Variants in PDE4D observed in about 807,000 individuals in gnomAD.
The protein encoded by PDE4D is phosphodiesterase 4D, also known as 3',5'-cyclic-AMP phosphodiesterase 4D.
A neutral mutation model predicts 87.4 loss-of-function variants in PDE4D; 24 were observed. The observed-to-expected ratio is 0.27, with a 90% CI of 0.20 to 0.39. The LOEUF is 0.39. PDE4D is among the 10% of genes least tolerant of loss of function. The pLI is 1.00. For synonymous variants in PDE4D, 384 were observed against 383.2 expected, an observed-to-expected ratio of 1.00 and a Z score of -0.02; for missense variants, 714 against 1,041.0, an observed-to-expected ratio of 0.69 and a Z score of 4.32.
chr5:60,239,020 T>C (rs1425912873), intron 1 of PDE4D, among the ~76,000 whole-genome samples: 1 of 151,976 alleles, frequency 6.6e-6, no homozygotes, highest in Non-Finnish European at 1.5e-5. Flanking sequence ...CGTAAATGGG[T>C]TTTAGTCTTA....
chr5:59,049,413 CT>C (rs1354410556), intron 5 of PDE4D, among the ~76,000 whole-genome samples: 1 of 152,098 alleles, frequency 6.6e-6, no homozygotes, highest in Admixed American at 6.5e-5. Flanking sequence ...CTTTCAAACT[CT>C]TTCTCTTTTT....
intron 1 of PDE4D, among the ~76,000 whole-genome samples, chr5:59,606,926 T>G (rs970983440): frequency 6.6e-6 from 1 of 152,098 alleles, no homozygotes; most frequent in Non-Finnish European, 1.5e-5. Context: ...TTTCTATTTC[T>G]TTCTTACAGA....
chr5:58,997,085 A>T (rs960746405), intron 6 of PDE4D, among the ~76,000 whole-genome samples: 2 of 152,132 alleles, frequency 1.3e-5, no homozygotes, highest in South Asian at 2.1e-4. Flanking sequence ...TTACTTCTCT[A>T]CTCTAGGAAG....
At chr5:59,108,497 C>T (rs949674131) in intron 5 of PDE4D, among the ~76,000 whole-genome samples, 1 of 152,004 alleles carries the variant, frequency 6.6e-6, no homozygotes, top group African/African-American at 2.4e-5. Context: ...AATATTTGGT[C>T]ATAGGGAAGA....
At chr5:59,650,489 G>A (rs1270414176) in intron 1 of PDE4D, among the ~76,000 whole-genome samples, 2 of 152,070 alleles carry the variant, frequency 1.3e-5, no homozygotes, top group Non-Finnish European at 2.9e-5. Flanking sequence ...CTGCTGTATA[G>A]CCAGCAATGA....
intron 1 of PDE4D, among the ~76,000 whole-genome samples, chr5:59,477,718 A>T (rs1231800172): frequency 1.3e-5 from 2 of 152,052 alleles, no homozygotes; most frequent in Non-Finnish European, 2.9e-5. Context: ...CAAAGAATAC[A>T]AATCATTCCA....
At chr5:59,771,799 A>G (rs982452712) in intron 1 of PDE4D, among the ~76,000 whole-genome samples, 1 of 152,218 alleles carries the variant, frequency 6.6e-6, no homozygotes, top group African/African-American at 2.4e-5. Flanking sequence ...CATTATGGTT[A>G]AACATGGACA....
intron 1 of PDE4D, among the ~76,000 whole-genome samples, chr5:59,540,010 T>C (rs954363646): frequency 2.0e-5 from 3 of 152,136 alleles, no homozygotes; most frequent in African/African-American, 7.2e-5. Flanking sequence ...CTGGAGGTCT[T>C]TGTAAAATGC....
chr5:59,138,013 C>A (rs567505334), intron 5 of PDE4D, among the ~76,000 whole-genome samples: 17 of 152,198 alleles, frequency 1.1e-4, no homozygotes, highest in African/African-American at 4.1e-4. Flanking sequence ...GGCACAATAG[C>A]CCCTAGCAAC....
chr5:59,214,287 C>A (rs1750755994), intron 2 of PDE4D, among the ~76,000 whole-genome samples: 1 of 152,116 alleles, frequency 6.6e-6, no homozygotes, highest in South Asian at 2.1e-4. Flanking sequence ...CAAAACTCAG[C>A]TAAAAACCTC....
rs567847018 is a variant in PDE4D, at chr5:60,313,155, G to A, written c.-89-127468C>T. ...GAATCCAGGAGTTGGTTTTTTGAAA[G>A]AATAAATAAAATTGATACACCACTA... On this transcript the variant is annotated intron_variant, in intron 1 of 16. Coordinates refer to the PDE4D transcript ENST00000502484. 2.7e-5 allele frequency among the ~76,000 whole-genome samples: 4 copies of A among 149,750 alleles called. No individual in the cohort carries two copies. In the East Asian group the frequency reaches 7.8e-4, roughly 29 times the overall value.
chr5:60,484,206 C>T (rs1748953358), intron 1 of PDE4D, among the ~76,000 whole-genome samples: 1 of 150,560 alleles, frequency 6.6e-6, no homozygotes, highest in Admixed American at 6.6e-5. Context: ...AAAAAAAAAC[C>T]CAAGAACATC....
At chr5:59,536,709 C>CA (rs571375308) in intron 1 of PDE4D, among the ~76,000 whole-genome samples, 51 of 152,120 alleles carry the variant, frequency 3.4e-4, no homozygotes, top group South Asian at 8.3e-4. Context: ...CAGACCCTTA[C>CA]AGGCTTTTGA....
rs190139175 is a variant in PDE4D, at chr5:59,405,479, G to A, written c.456-189511C>T. Reference sequence around the variant, plus strand: ...CCAGTTCTAGTAGTGTTTTGGTGAAGTCTTTAGGTTTTTCCAAATATAAAA... The same window carrying A: ...CCAGTTCTAGTAGTGTTTTGGTGAAATCTTTAGGTTTTTCCAAATATAAAA... On this transcript the variant is annotated intron_variant, in intron 1 of 14. Coordinates refer to ENST00000340635, the MANE Select transcript of PDE4D (RefSeq NM_001104631.2). Among the ~76,000 whole-genome samples the A allele has an allele frequency of 8.5e-5, 13 of 152,272 alleles. No homozygotes were observed. The East Asian group carries it at 2.5e-3, about 29-fold the overall frequency.
At chr5:60,069,552 T>A (rs75260171) in intron 2 of PDE4D, among the ~76,000 whole-genome samples, 89 of 152,340 alleles carry the variant, frequency 5.8e-4, no homozygotes, top group Middle Eastern at 3.4e-3. Context: ...TATATGTCTG[T>A]TTTAATGCCA....
chr5:59,766,653 T>C (rs974000483), intron 1 of PDE4D, among the ~76,000 whole-genome samples: 18 of 152,236 alleles, frequency 1.2e-4, no homozygotes, highest in African/African-American at 4.3e-4. Context: ...ACGGAAATTC[T>C]GGTCCTGGCT....
At chr5:59,688,054 C>A (rs930146874) in intron 1 of PDE4D, among the ~76,000 whole-genome samples, 1 of 152,118 alleles carries the variant, frequency 6.6e-6, no homozygotes, top group Non-Finnish European at 1.5e-5. Context: ...TACAGGAGCA[C>A]CCAGATTCAT....
intron 1 of PDE4D, among the ~76,000 whole-genome samples, chr5:59,884,226 C>T (rs748982335): frequency 6.6e-6 from 1 of 151,992 alleles, no homozygotes; most frequent in Non-Finnish European, 1.5e-5. Flanking sequence ...ATATGTAGTA[C>T]TGTCTCTGTC....
intron 1 of PDE4D, among the ~76,000 whole-genome samples, chr5:59,507,664 CAAAAAAAA>C (rs1284106865): frequency 2.5e-5 from 2 of 79,834 alleles, no homozygotes; most frequent in East Asian, 9.1e-4. Context: ...TACCCTGTCT[CAAAAAAAA>C]AAAAAAAAAA....
Sources: gnomAD v4.1 joint callset for allele counts (sites outside exome capture counted in the v4.1 genomes callset) on GRCh38, gnomAD v4.1.1 for gene constraint, MANE v1.5 for transcripts, NCBI Gene and HGNC (gene_info 2026-07-23, HGNC 2026-07-21) for gene names.